STYK1: variants seen among roughly 807,000 people sequenced by gnomAD.
STYK1 encodes the protein STY kinase 1.
In STYK1, 46 loss-of-function variants were observed where a neutral mutation model predicts 48.1. The observed-to-expected ratio is 0.96, with a 90% CI of 0.75 to 1.22. The LOEUF is 1.22. STYK1 is among the 50% of genes most tolerant of loss of function. The pLI, the probability that STYK1 is intolerant of heterozygous loss-of-function variation, is 0.00. For synonymous variants in STYK1, 188 were observed against 189.0 expected, an observed-to-expected ratio of 0.99 and a Z score of 0.04; for missense variants, 527 against 521.1, an observed-to-expected ratio of 1.01 and a Z score of -0.11.
At chr12:10,630,385 C>CAAAAAAAAAAAAAAAAAAAA (rs35704937) in intron 5 of STYK1, among the ~76,000 whole-genome samples, 1 of 48,590 alleles carries the variant, frequency 2.1e-5, no homozygotes. Flanking sequence ...CACTCTGTCT[C>CAAAAAAAAAAAAAAAAAAAA]AAAAAAAAAA....
At position 10,619,908 on chromosome 12, in the gene STYK1, A is replaced by C. The variant is rs1223270249; in HGVS notation, c.*236T>G. 8.3e-6 allele frequency: 5 copies of C among 598,882 alleles called. No homozygotes were observed. In the East Asian group the frequency reaches 1.4e-4, roughly 16 times the overall value. The allele number at this position is 598,882 out of a possible 1,614,324, so 37.1% of individuals were successfully genotyped here. On this transcript the variant is annotated 3_prime_UTR_variant, in exon 11 of 11. Coordinates refer to ENST00000075503, the MANE Select transcript of STYK1 (RefSeq NM_018423.3). ...TCCTTTGCACAGGTCCACCACTTCT[A>C]CCCAGGATTTCTAGGACTGGGACAG...
chr12:10,666,667 C>T (rs906854507), intron 1 of STYK1, among the ~76,000 whole-genome samples: 4 of 152,134 alleles, frequency 2.6e-5, no homozygotes, highest in South Asian at 4.1e-4. Flanking sequence ...ATCATGGGGG[C>T]GGTTTCCACC....
At chr12:10,629,263 A>T (rs1947393174) in intron 6 of STYK1, among the ~76,000 whole-genome samples, 1 of 152,234 alleles carries the variant, frequency 6.6e-6, no homozygotes, top group Admixed American at 6.5e-5. Flanking sequence ...CATCAGCCAC[A>T]CTTCAAGTGT....
intron 9 of STYK1, 46 bp from the exon 10 acceptor site, chr12:10,622,018 G>T: frequency 6.6e-7 from 1 of 1,526,426 alleles, no homozygotes; most frequent in South Asian, 1.1e-5. Flanking sequence ...TCTAAAATAT[G>T]AACTGTAACT....
rs145919970 is a variant in STYK1, at chr12:10,644,619, A to G, written c.-194-7423T>C. Among the ~76,000 whole-genome samples, 615 of 152,338 alleles carry G rather than the reference A, an allele frequency of 4.0e-3. 2 individuals carry two copies. Among genetic ancestry groups the G allele is most frequent in the African/African-American group, 0.013 (555 of 41,582 alleles). ...TCAATTGTGAAACTAATAATTTCAT[A>G]ATCATTTTTTGGATTACAGTAGTGA... On this transcript the variant is annotated intron_variant, in intron 1 of 10. Coordinates refer to ENST00000075503, the MANE Select transcript of STYK1 (RefSeq NM_018423.3).
chr12:10,639,533 G>A (rs1394307806), intron 1 of STYK1, among the ~76,000 whole-genome samples: 22 of 151,858 alleles, frequency 1.4e-4, no homozygotes, highest in Non-Finnish European at 8.8e-5. Flanking sequence ...TCCTGCCTCA[G>A]CCTCCCAAAT....
At chr12:10,625,280 G>C (rs1295106393) in intron 7 of STYK1, among the ~76,000 whole-genome samples, 2 of 151,946 alleles carry the variant, frequency 1.3e-5, no homozygotes, top group East Asian at 1.9e-4. Context: ...TGCAGTGGCG[G>C]GATCTCAGCT....
intron 1 of STYK1, among the ~76,000 whole-genome samples, chr12:10,648,012 C>T (rs1164585210): frequency 2.6e-5 from 4 of 152,134 alleles, no homozygotes; most frequent in African/African-American, 4.8e-5. Flanking sequence ...AGCATAAAAA[C>T]GGACTAATAC....
chr12:10,666,759 T>G (rs34063434), intron 1 of STYK1, among the ~76,000 whole-genome samples: 5 of 152,096 alleles, frequency 3.3e-5, no homozygotes, highest in Non-Finnish European at 7.4e-5. Context: ...TTCCTTCACA[T>G]GCTTTCTCTC....
At chr12:10,651,145 C>A (rs900618309) in intron 1 of STYK1, among the ~76,000 whole-genome samples, 7 of 152,244 alleles carry the variant, frequency 4.6e-5, no homozygotes, top group Admixed American at 3.3e-4. Flanking sequence ...TTAAGAGGAC[C>A]ACGCTGGAGC....
chr12:10,646,183 T>G (rs1161644453), intron 1 of STYK1, among the ~76,000 whole-genome samples: 2 of 152,170 alleles, frequency 1.3e-5, no homozygotes, highest in South Asian at 2.1e-4. Context: ...CAGGGAGAAG[T>G]TGGAACAGTT....
chr12:10,623,086 C>A (rs1947315835), intron 8 of STYK1, among the ~76,000 whole-genome samples: 1 of 148,014 alleles, frequency 6.8e-6, no homozygotes, highest in South Asian at 2.1e-4. Flanking sequence ...CAAATTCAAC[C>A]AAGTTTTATC....
At chr12:10,645,196 A>T (rs1426641219) in intron 1 of STYK1, among the ~76,000 whole-genome samples, 1 of 152,224 alleles carries the variant, frequency 6.6e-6, no homozygotes, top group Non-Finnish European at 1.5e-5. Context: ...TAGCAGATAC[A>T]GGCAACATGG....
At chr12:10,627,232 G>A (rs1282264689) in intron 7 of STYK1, among the ~76,000 whole-genome samples, 4 of 151,974 alleles carry the variant, frequency 2.6e-5, no homozygotes, top group Non-Finnish European at 2.9e-5. Flanking sequence ...TGGTTCTGTC[G>A]CCTTTCACCC....
intron 5 of STYK1, 51 bp from the exon 6 acceptor site, chr12:10,629,725 A>C: frequency 6.2e-7 from 1 of 1,606,982 alleles, no homozygotes; most frequent in Non-Finnish European, 8.5e-7. Flanking sequence ...ATCCTCGATG[A>C]GTGGGAGGCA....
chr12:10,630,385 C>CAAAAAAAAAAAAAAAAA (rs35704937), intron 5 of STYK1, among the ~76,000 whole-genome samples: 4 of 48,578 alleles, frequency 8.2e-5, no homozygotes, highest in Admixed American at 3.2e-4. Flanking sequence ...CACTCTGTCT[C>CAAAAAAAAAAAAAAAAA]AAAAAAAAAA....
At chr12:10,637,771 C>T (rs754794546) in intron 1 of STYK1, among the ~76,000 whole-genome samples, 1 of 152,214 alleles carries the variant, frequency 6.6e-6, no homozygotes, top group Non-Finnish European at 1.5e-5. Flanking sequence ...CTTGTAACAG[C>T]AATATTCCTC....
intron 2 of STYK1, among the ~76,000 whole-genome samples, chr12:10,636,346 G>A (rs754006991): frequency 6.6e-6 from 1 of 152,224 alleles, no homozygotes; most frequent in Non-Finnish European, 1.5e-5. Flanking sequence ...CAGGTAAACA[G>A]CCAAGTAGCC....
At chr12:10,632,682 G>A (rs190511378) in intron 4 of STYK1, among the ~76,000 whole-genome samples, 28 of 152,344 alleles carry the variant, frequency 1.8e-4, no homozygotes, top group African/African-American at 6.3e-4. Flanking sequence ...AATGTTAAGA[G>A]TGTGTTGCAG....
Sources: allele counts gnomAD v4.1 joint callset (sites outside exome capture counted in the v4.1 genomes callset), GRCh38; gene constraint gnomAD v4.1.1; transcripts MANE v1.5; gene names NCBI Gene and HGNC (gene_info 2026-07-23, HGNC 2026-07-21).